CSRNP3: variants seen among roughly 807,000 people sequenced by gnomAD.
The protein encoded by CSRNP3 is cysteine/serine-rich nuclear protein 3.
Under a neutral mutation model 48.0 loss-of-function variants are expected in CSRNP3, and 12 were observed. The observed-to-expected ratio is 0.25, with a 90% CI of 0.16 to 0.41. The LOEUF is 0.41. Ranked by LOEUF, CSRNP3 falls within the 10% of genes least tolerant of loss-of-function variation. CSRNP3 has a pLI of 1.00. For missense variants in CSRNP3, 580 were observed against 724.4 expected (o/e 0.80, Z 2.29); for synonymous variants, 263 against 269.7 (o/e 0.98, Z 0.24).
At chr2:165,547,184 A>T (rs148118325) in intron 3 of CSRNP3, among the ~76,000 whole-genome samples, 3 of 152,174 alleles carry the variant, frequency 2.0e-5, no homozygotes, top group Non-Finnish European at 4.4e-5. Context: ...ACCATCCCTT[A>T]TTATGATGTC....
chr2:165,585,122 A>G (rs1362670947), intron 3 of CSRNP3, among the ~76,000 whole-genome samples: 1 of 152,174 alleles, frequency 6.6e-6, no homozygotes, highest in African/African-American at 2.4e-5. Context: ...TTTAATTTAA[A>G]CTAACAGTTA....
intron 3 of CSRNP3, among the ~76,000 whole-genome samples, chr2:165,591,993 C>A (rs1340278708): frequency 1.3e-5 from 2 of 152,136 alleles, no homozygotes; most frequent in Non-Finnish European, 2.9e-5. Context: ...CAGCTTGCAC[C>A]ATGCACCTGG....
intron 3 of CSRNP3, among the ~76,000 whole-genome samples, chr2:165,518,898 T>G (rs1378617091): frequency 6.6e-6 from 1 of 152,072 alleles, no homozygotes; most frequent in African/African-American, 2.4e-5. Flanking sequence ...TCTCAAAAAT[T>G]TCCCAAACAA....
chr2:165,655,512 A>G (rs1686988345), intron 4 of CSRNP3, among the ~76,000 whole-genome samples: 1 of 152,208 alleles, frequency 6.6e-6, no homozygotes, highest in South Asian at 2.1e-4. Flanking sequence ...GCATTTTGCC[A>G]TCAGAGGATT....
intron 4 of CSRNP3, among the ~76,000 whole-genome samples, chr2:165,600,644 T>C (rs992605381): frequency 5.3e-4 from 81 of 152,210 alleles, no homozygotes; most frequent in Non-Finnish European, 9.6e-4. Context: ...TGTGAGATGG[T>C]ATCTCACTGT....
intron 3 of CSRNP3, among the ~76,000 whole-genome samples, chr2:165,582,473 G>A (rs887969443): frequency 1.3e-5 from 2 of 152,170 alleles, no homozygotes; most frequent in South Asian, 2.1e-4. Flanking sequence ...CAGCCAAGAC[G>A]ACAGTGAAGA....
chr2:165,592,135 G>A (rs766268816), intron 3 of CSRNP3, among the ~76,000 whole-genome samples: 2 of 152,260 alleles, frequency 1.3e-5, no homozygotes, highest in Non-Finnish European at 2.9e-5. Context: ...CTGGATGTGA[G>A]ACATGGAGTC....
chr2:165,655,119 T>C (rs1686980936), intron 4 of CSRNP3, among the ~76,000 whole-genome samples: 1 of 152,128 alleles, frequency 6.6e-6, no homozygotes, highest in Admixed American at 6.5e-5. Context: ...GGAAGAAGAT[T>C]CTTACCTAAA....
chr2:165,533,780 A>T (rs1684846603), intron 3 of CSRNP3, among the ~76,000 whole-genome samples: 1 of 151,924 alleles, frequency 6.6e-6, no homozygotes. Flanking sequence ...CAAGTAGTTT[A>T]TTTTCTTATT....
intron 1 of CSRNP3, among the ~76,000 whole-genome samples, chr2:165,473,688 A>G (rs1323640350): frequency 6.6e-6 from 1 of 152,186 alleles, no homozygotes; most frequent in East Asian, 1.9e-4. Context: ...CAAGGAATGG[A>G]TTTATCAAGC....
chr2:165,678,195 C>T (rs1042572712), intron 6 of CSRNP3, among the ~76,000 whole-genome samples: 1 of 152,044 alleles, frequency 6.6e-6, no homozygotes, highest in Non-Finnish European at 1.5e-5. Flanking sequence ...GGAAAAGCAC[C>T]TTTATAATAA....
At chr2:165,500,417 A>ACATATATG (rs1323356245) in intron 2 of CSRNP3, among the ~76,000 whole-genome samples, 67 of 119,122 alleles carry the variant, frequency 5.6e-4, no homozygotes, top group African/African-American at 2.3e-3. Flanking sequence ...ATACATATAT[A>ACATATATG]TATACACACA....
chr2:165,627,488 T>C (rs1686456897), intron 4 of CSRNP3, among the ~76,000 whole-genome samples: 1 of 152,298 alleles, frequency 6.6e-6, no homozygotes, highest in South Asian at 2.1e-4. Context: ...TTACTTTTAC[T>C]GGGAAATAAT....
chr2:165,597,752 A>G (rs1037424828), intron 4 of CSRNP3, among the ~76,000 whole-genome samples: 1 of 152,182 alleles, frequency 6.6e-6, no homozygotes, highest in Non-Finnish European at 1.5e-5. Context: ...GAAGACACAC[A>G]TCTCCAAAGA....
chr2:165,552,280 T>C (rs1385364242), intron 3 of CSRNP3, among the ~76,000 whole-genome samples: 1 of 152,218 alleles, frequency 6.6e-6, no homozygotes, highest in African/African-American at 2.4e-5. Context: ...TAAAATAGTC[T>C]CAAGACAGGA....
At chr2:165,541,704 C>T (rs1199735351) in intron 3 of CSRNP3, among the ~76,000 whole-genome samples, 5 of 152,106 alleles carry the variant, frequency 3.3e-5, no homozygotes, top group Non-Finnish European at 7.4e-5. Flanking sequence ...AGACCTCACA[C>T]CCATGATCAG....
chr2:165,639,282 A>G (rs1166016708), intron 4 of CSRNP3, among the ~76,000 whole-genome samples: 2 of 152,210 alleles, frequency 1.3e-5, no homozygotes, highest in Admixed American at 1.3e-4. Flanking sequence ...TTACAGTAGG[A>G]GAGCTGAAAT....
At chr2:165,491,901 GTAAC>G (rs1403494511) in intron 1 of CSRNP3, among the ~76,000 whole-genome samples, 2 of 138,970 alleles carry the variant, frequency 1.4e-5, no homozygotes, top group Admixed American at 7.6e-5. Flanking sequence ...GTATACATAT[GTAAC>G]TAACCTGCAC....
At position 165,596,814 on chromosome 2, in the gene CSRNP3, G is replaced by A. The variant is rs147550573; in HGVS notation, c.148+1601G>A. Reference sequence around the variant, plus strand: ...AGTGAGTTAATACACATGAAAAAACGTTGTAAAATGTCAAGTACTAGGCAC... The same window carrying A: ...AGTGAGTTAATACACATGAAAAAACATTGTAAAATGTCAAGTACTAGGCAC... On this transcript the variant is annotated intron_variant, in intron 4 of 6. Coordinates refer to ENST00000651982, the MANE Select transcript of CSRNP3 (RefSeq NM_001172173.2). Among the ~76,000 whole-genome samples, 341 of 152,218 alleles carry A rather than the reference G, an allele frequency of 2.2e-3. 1 individual carries two copies. The highest frequency in any genetic ancestry group is 7.7e-3 in the African/African-American group (321 of 41,518).
Sources: gnomAD v4.1 joint callset for allele counts (sites outside exome capture counted in the v4.1 genomes callset) on GRCh38, gnomAD v4.1.1 for gene constraint, MANE v1.5 for transcripts, NCBI Gene and HGNC (gene_info 2026-07-23, HGNC 2026-07-21) for gene names.